The following INO80 variants were observed in gnomAD, a reference collection of about 807,000 sequenced individuals.
INO80 encodes the protein INO80 complex ATPase subunit.
Under a neutral mutation model 203.4 loss-of-function variants are expected in INO80, and 20 were observed. The observed-to-expected ratio is 0.10, with a 90% CI of 0.07 to 0.14. The LOEUF (loss-of-function observed/expected upper bound fraction) is 0.14. Ranked by LOEUF, INO80 falls within the 10% of genes least tolerant of loss-of-function variation. The pLI, the probability that INO80 is intolerant of heterozygous loss-of-function variation, is 1.00. For missense variants in INO80, 1,419 were observed against 1,914.4 expected, an observed-to-expected ratio of 0.74 and a Z score of 4.83; for synonymous variants, 726 against 685.2, an observed-to-expected ratio of 1.06 and a Z score of -0.93.
chr15:41,026,775 C>T (rs1340812385), intron 25 of INO80, among the ~76,000 whole-genome samples: 2 of 152,136 alleles, frequency 1.3e-5, no homozygotes, highest in East Asian at 1.9e-4. Context: ...GGCCACAGTT[C>T]GATTATTTCC....
intron 1 of INO80, among the ~76,000 whole-genome samples, chr15:41,111,992 C>A (rs2045965692): frequency 6.6e-6 from 1 of 152,142 alleles, no homozygotes; most frequent in Non-Finnish European, 1.5e-5. Context: ...GTAGCCTCAA[C>A]CTTCCAGGCT....
At chr15:41,097,965 A>G (rs1481072706) in intron 1 of INO80, among the ~76,000 whole-genome samples, 1 of 152,050 alleles carries the variant, frequency 6.6e-6, no homozygotes, top group African/African-American at 2.4e-5. Context: ...AAAAACAACA[A>G]CAACAACAAC....
intron 24 of INO80, among the ~76,000 whole-genome samples, chr15:41,040,758 C>A (rs903119785): frequency 1.3e-5 from 2 of 150,928 alleles, no homozygotes; most frequent in Non-Finnish European, 2.9e-5. Flanking sequence ...GCCTGGGCAA[C>A]AGAACAATTC....
At chr15:40,990,832 A>C (rs1214563876) in intron 29 of INO80, among the ~76,000 whole-genome samples, 1 of 152,226 alleles carries the variant, frequency 6.6e-6, no homozygotes, top group Non-Finnish European at 1.5e-5. Context: ...AGAGGATAAC[A>C]TTACTTGCCC....
chr15:40,983,756 A>T lies in INO80; in HGVS notation c.4237+6T>A. 3.7e-6 allele frequency: 6 copies of T among 1,612,086 alleles called. No homozygotes were observed. The highest frequency in any genetic ancestry group is 4.2e-6 in the Non-Finnish European group (5 of 1,179,880). ...GGCCCAAGCTGTACAAGACAGCAGC[A>T]ATTACCATTCACGGTATCTGAGACG... On this transcript the variant is annotated splice_donor_region_variant and intron_variant, in intron 34 of 35. Coordinates refer to ENST00000648947, the MANE Select transcript of INO80 (RefSeq NM_017553.3).
At chr15:41,076,468 T>G (rs1352918698) in intron 9 of INO80, among the ~76,000 whole-genome samples, 1 of 117,038 alleles carries the variant, frequency 8.5e-6, no homozygotes, top group Admixed American at 7.6e-5. Flanking sequence ...CAAACTTTCT[T>G]TTTTTTTTTT....
At chr15:41,058,577 G>C in intron 16 of INO80, 62 bp downstream of exon 16, 1 of 1,271,994 alleles carries the variant, frequency 7.9e-7, no homozygotes, top group Non-Finnish European at 1.1e-6. Context: ...GTGCGTGTGT[G>C]TGTGTGTGTG....
chr15:41,012,561 TAAAAAA>T (rs71104767), intron 27 of INO80, among the ~76,000 whole-genome samples: 14 of 90,808 alleles, frequency 1.5e-4, no homozygotes, highest in Non-Finnish European at 2.4e-4. Context: ...AGACTCTTTT[TAAAAAA>T]AAAAAAAAAA....
intron 11 of INO80, 66 bp downstream of exon 11, chr15:41,073,362 C>G: frequency 1.5e-6 from 2 of 1,312,478 alleles, no homozygotes; most frequent in Non-Finnish European, 2.2e-6. Flanking sequence ...GGAAGACCAC[C>G]TAAGTAAAGG....
intron 5 of INO80, among the ~76,000 whole-genome samples, chr15:41,089,859 A>C (rs1461343728): frequency 2.6e-5 from 4 of 152,208 alleles, no homozygotes; most frequent in African/African-American, 9.6e-5. Flanking sequence ...TCTAAGAGAG[A>C]AACACTACAC....
chr15:41,089,461 T>A (rs1749120768), intron 5 of INO80, among the ~76,000 whole-genome samples: 1 of 152,090 alleles, frequency 6.6e-6, no homozygotes, highest in East Asian at 1.9e-4. Context: ...GTAGAAATAG[T>A]CAGAAGGCGG....
chr15:41,013,800 C>T (rs559029059), intron 27 of INO80, among the ~76,000 whole-genome samples: 9 of 152,266 alleles, frequency 5.9e-5, no homozygotes, highest in African/African-American at 1.7e-4. Context: ...TTTCAACATC[C>T]AAGATGCATG....
At chr15:41,063,546 G>C (rs769669839) in intron 14 of INO80, among the ~76,000 whole-genome samples, 7 of 152,092 alleles carry the variant, frequency 4.6e-5, no homozygotes, top group African/African-American at 4.8e-5. Flanking sequence ...AGCTGAGGCA[G>C]GCGGATCACT....
chr15:41,046,994 C>T (rs2044779411), intron 23 of INO80, among the ~76,000 whole-genome samples: 1 of 150,908 alleles, frequency 6.6e-6, no homozygotes, highest in Admixed American at 6.6e-5. Context: ...TTGATCCAGG[C>T]TGGCCTCAAC....
intron 31 of INO80, among the ~76,000 whole-genome samples, chr15:40,986,464 A>C (rs1423416164): frequency 6.6e-6 from 1 of 151,080 alleles, no homozygotes; most frequent in African/African-American, 2.4e-5. Context: ...AGCTGGGATT[A>C]CACGTGCCCA....
intron 25 of INO80, among the ~76,000 whole-genome samples, chr15:41,026,225 G>A (rs2044372453): frequency 6.6e-6 from 1 of 152,002 alleles, no homozygotes; most frequent in Non-Finnish European, 1.5e-5. Context: ...TATTAACAAG[G>A]GAGACAGAAA....
At chr15:41,050,161 C>T (rs1220778282) in intron 19 of INO80, 59 bp from the exon 20 acceptor site, 15 of 1,255,006 alleles carry the variant, frequency 1.2e-5, no homozygotes, top group Non-Finnish European at 1.7e-5. Context: ...AATTCAGCAT[C>T]AGCTTAAAGT....
intron 12 of INO80, among the ~76,000 whole-genome samples, chr15:41,071,540 C>T (rs940733774): frequency 2.4e-4 from 37 of 151,040 alleles, no homozygotes; most frequent in Non-Finnish European, 4.6e-4. Flanking sequence ...CCGCAATCTC[C>T]GCCTCCCAGA....
chr15:41,021,545 A>G (rs1226418266), intron 25 of INO80, among the ~76,000 whole-genome samples: 3 of 152,262 alleles, frequency 2.0e-5, no homozygotes, highest in Non-Finnish European at 2.9e-5. Flanking sequence ...TTTAAAAACT[A>G]AAGAATATTG....
Sources: gnomAD v4.1 joint callset for allele counts (sites outside exome capture counted in the v4.1 genomes callset) on GRCh38, gnomAD v4.1.1 for gene constraint, MANE v1.5 for transcripts, NCBI Gene and HGNC (gene_info 2026-07-23, HGNC 2026-07-21) for gene names.